MSRA: variants seen among roughly 807,000 people sequenced by gnomAD.
The protein encoded by MSRA is mitochondrial peptide methionine sulfoxide reductase.
In MSRA, 54 loss-of-function variants were observed where a neutral mutation model predicts 31.3. The ratio of observed to expected loss-of-function variants is 1.73; its 90% confidence interval spans 1.39 to 2.17. The LOEUF (loss-of-function observed/expected upper bound fraction) is 2.17, where lower values mean the gene tolerates loss of function less well. MSRA is among the 30% of genes most tolerant of loss of function. MSRA has a pLI of 0.00. For missense variants in MSRA, 507 were observed against 300.9 expected (o/e 1.69, Z -5.07); for synonymous variants, 169 against 116.5 (o/e 1.45, Z -2.90).
chr8:10,333,189 C>T (rs1056910000), intron 5 of MSRA, among the ~76,000 whole-genome samples: 7 of 152,180 alleles, frequency 4.6e-5, no homozygotes, highest in African/African-American at 1.7e-4. Context: ...TCTCCACGGG[C>T]CACACTCCTA....
intron 3 of MSRA, among the ~76,000 whole-genome samples, chr8:10,285,169 G>T (rs1162148399): frequency 6.6e-6 from 1 of 151,980 alleles, no homozygotes; most frequent in African/African-American, 2.4e-5. Flanking sequence ...TCTTCATCTT[G>T]TAAAACCAAA....
chr8:10,169,917 CTT>C (rs71538069), intron 1 of MSRA, among the ~76,000 whole-genome samples: 5 of 131,916 alleles, frequency 3.8e-5, no homozygotes, highest in Non-Finnish European at 4.9e-5. Context: ...TTCTTTCTTT[CTT>C]TTTTTTTTTT....
chr8:10,142,020 G>A (rs1203793550), intron 1 of MSRA, among the ~76,000 whole-genome samples: 3 of 152,126 alleles, frequency 2.0e-5, no homozygotes, highest in Admixed American at 2.0e-4. Context: ...GTGCAATGGC[G>A]CGATCTTGGC....
At chr8:10,419,194 C>A (rs973308454) in intron 5 of MSRA, among the ~76,000 whole-genome samples, 1 of 152,172 alleles carries the variant, frequency 6.6e-6, no homozygotes, top group East Asian at 1.9e-4. Flanking sequence ...TTTGTATCAT[C>A]CCTTGCACCT....
At chr8:10,373,465 A>G (rs1018690066) in intron 5 of MSRA, among the ~76,000 whole-genome samples, 6 of 152,214 alleles carry the variant, frequency 3.9e-5, no homozygotes, top group Non-Finnish European at 7.3e-5. Context: ...CTCATGGGCT[A>G]TCAAGCCTTG....
intron 1 of MSRA, among the ~76,000 whole-genome samples, chr8:10,173,023 A>G (rs1427264231): frequency 6.6e-6 from 1 of 152,230 alleles, no homozygotes; most frequent in African/African-American, 2.4e-5. Context: ...AGAATATTCT[A>G]GGTGGAGAGA....
intron 4 of MSRA, among the ~76,000 whole-genome samples, chr8:10,307,036 A>G (rs2129129047): frequency 6.6e-6 from 1 of 152,314 alleles, no homozygotes; most frequent in South Asian, 2.1e-4. Flanking sequence ...AGGTTCCAAA[A>G]GACTCATAAT....
intron 1 of MSRA, among the ~76,000 whole-genome samples, chr8:10,056,875 C>G (rs770626800): frequency 6.6e-6 from 1 of 152,178 alleles, no homozygotes; most frequent in Non-Finnish European, 1.5e-5. Flanking sequence ...TCAAAAGTTG[C>G]GTGACAAAAG....
At chr8:10,362,671 A>C (rs1368291345) in intron 5 of MSRA, among the ~76,000 whole-genome samples, 1 of 151,976 alleles carries the variant, frequency 6.6e-6, no homozygotes, top group African/African-American at 2.4e-5. Flanking sequence ...AATTTCTCCC[A>C]AGAGAAAGGA....
At chr8:10,081,456 C>G (rs892489836) in intron 1 of MSRA, among the ~76,000 whole-genome samples, 2 of 152,128 alleles carry the variant, frequency 1.3e-5, no homozygotes, top group Non-Finnish European at 2.9e-5. Context: ...TCGGGCATCT[C>G]CAGATGCTAC....
At chr8:10,230,225 G>A (rs1416775694) in intron 2 of MSRA, among the ~76,000 whole-genome samples, 1 of 152,238 alleles carries the variant, frequency 6.6e-6, no homozygotes, top group Non-Finnish European at 1.5e-5. Context: ...GACTATGTAC[G>A]TGCCTGAGTT....
At chr8:10,332,462 C>T (rs1169029342) in intron 5 of MSRA, among the ~76,000 whole-genome samples, 2 of 151,936 alleles carry the variant, frequency 1.3e-5, no homozygotes, top group Non-Finnish European at 2.9e-5. Flanking sequence ...CCCCCCTCCC[C>T]ACCGTATGCC....
intron 1 of MSRA, among the ~76,000 whole-genome samples, chr8:10,062,488 C>G (rs1331190847): frequency 6.6e-6 from 1 of 152,148 alleles, no homozygotes; most frequent in Non-Finnish European, 1.5e-5. Flanking sequence ...CTCTTTGTAC[C>G]CGGAACACAG....
intron 1 of MSRA, among the ~76,000 whole-genome samples, chr8:10,067,182 C>G (rs188638120): frequency 9.9e-5 from 15 of 152,274 alleles, no homozygotes; most frequent in Non-Finnish European, 1.8e-4. Context: ...CCATCTCCCC[C>G]TTCCCAAGAA....
chr8:10,234,328 T>A (rs1469580480), intron 2 of MSRA, among the ~76,000 whole-genome samples: 2 of 152,138 alleles, frequency 1.3e-5, no homozygotes, highest in Admixed American at 1.3e-4. Flanking sequence ...GGTAATGAGA[T>A]AGAGATTGTT....
intron 1 of MSRA, among the ~76,000 whole-genome samples, chr8:10,073,525 T>G (rs748762359): frequency 3.3e-5 from 5 of 151,080 alleles, no homozygotes; most frequent in Non-Finnish European, 7.4e-5. Context: ...TACTATAGTT[T>G]CACCAACTTT....
intron 1 of MSRA, among the ~76,000 whole-genome samples, chr8:10,105,382 T>C (rs1799814379): frequency 6.6e-6 from 1 of 152,214 alleles, no homozygotes; most frequent in African/African-American, 2.4e-5. Flanking sequence ...CAGAATTTTA[T>C]CTCCTTAATT....
At chr8:10,136,078 T>A (rs1802248847) in intron 1 of MSRA, among the ~76,000 whole-genome samples, 2 of 152,294 alleles carry the variant, frequency 1.3e-5, no homozygotes, top group South Asian at 4.1e-4. Context: ...TCTGGAACAC[T>A]GTATTCTATC....
intron 2 of MSRA, among the ~76,000 whole-genome samples, chr8:10,212,851 C>A (rs1809628972): frequency 6.6e-6 from 1 of 152,114 alleles, no homozygotes; most frequent in South Asian, 2.1e-4. Context: ...AAAAAACATT[C>A]TGCTAAGTCA....
Sources: allele counts gnomAD v4.1 joint callset (sites outside exome capture counted in the v4.1 genomes callset), GRCh38; gene constraint gnomAD v4.1.1; transcripts MANE v1.5; gene names NCBI Gene and HGNC (gene_info 2026-07-23, HGNC 2026-07-21).